The following SGCZ variants were observed in gnomAD, a reference collection of about 807,000 sequenced individuals.
SGCZ encodes zeta-sarcoglycan.
A neutral mutation model predicts 41.3 loss-of-function variants in SGCZ; 40 were observed. That is an observed-to-expected ratio of 0.97 (90% CI 0.75 to 1.26). The LOEUF (loss-of-function observed/expected upper bound fraction) is 1.26, where lower values mean the gene tolerates loss of function less well. SGCZ is among the 50% of genes most tolerant of loss of function. The pLI, the probability that SGCZ is intolerant of heterozygous loss-of-function variation, is 0.00. For missense variants in SGCZ, 552 were observed against 369.8 expected (o/e 1.49, Z -4.04); for synonymous variants, 206 against 137.5 (o/e 1.50, Z -3.49).
chr8:14,566,901 C>T (rs894811155), intron 1 of SGCZ, among the ~76,000 whole-genome samples: 19 of 152,124 alleles, frequency 1.2e-4, no homozygotes, highest in East Asian at 3.9e-4. Context: ...GCTGTGGGCT[C>T]GGCAGGCCCC....
chr8:14,154,709 G>T (rs981761957), intron 5 of SGCZ, among the ~76,000 whole-genome samples: 5 of 152,128 alleles, frequency 3.3e-5, no homozygotes, highest in African/African-American at 1.2e-4. Context: ...AATGGTAGAG[G>T]CTGTTTCAGA....
Position 14,414,395 on chromosome 8 carries a change from G to A in SGCZ, c.235-90191C>T, listed in dbSNP as rs147857945. ...AGTGTGCATAGGAACTCCCTGGAGA[G>A]TACAAGTAAAATTCCTAGGTCCCCA... On this transcript the variant is annotated intron_variant, in intron 2 of 7. Transcript: ENST00000382080. Among the ~76,000 whole-genome samples, 731 of 151,980 alleles carry A rather than the reference G, an allele frequency of 4.8e-3. 9 individuals carry two copies. The highest frequency in any genetic ancestry group is 0.016 in the African/African-American group (672 of 41,484).
At chr8:14,588,941 A>G (rs761885479) in intron 1 of SGCZ, among the ~76,000 whole-genome samples, 1 of 152,152 alleles carries the variant, frequency 6.6e-6, no homozygotes, top group South Asian at 2.1e-4. Flanking sequence ...TGTCAAATAT[A>G]ATTCAGATCG....
intron 7 of SGCZ, among the ~76,000 whole-genome samples, chr8:14,093,863 A>G (rs926574712): frequency 2.0e-5 from 3 of 152,096 alleles, no homozygotes; most frequent in East Asian, 1.9e-4. Context: ...ACTTTTCTCT[A>G]TAGTAAAAAT....
intron 2 of SGCZ, among the ~76,000 whole-genome samples, chr8:14,376,356 G>C (rs1294635298): frequency 6.6e-6 from 1 of 151,858 alleles, no homozygotes; most frequent in Non-Finnish European, 1.5e-5. Flanking sequence ...AAATACAATG[G>C]AAAAATAACT....
At chr8:14,597,469 TTTTG>T (rs563441483) in intron 1 of SGCZ, among the ~76,000 whole-genome samples, 8 of 152,308 alleles carry the variant, frequency 5.3e-5, no homozygotes, top group Admixed American at 3.3e-4. Context: ...TCATTCCTTT[TTTTG>T]TTTGTTTGTT....
chr8:14,963,140 G>A (rs1018657917), intron 1 of SGCZ, among the ~76,000 whole-genome samples: 8 of 152,118 alleles, frequency 5.3e-5, no homozygotes, highest in South Asian at 2.1e-4. Flanking sequence ...TGAGTATCAC[G>A]GTTAATACTC....
At chr8:14,621,395 C>T (rs1253915079) in intron 1 of SGCZ, among the ~76,000 whole-genome samples, 4 of 151,290 alleles carry the variant, frequency 2.6e-5, no homozygotes, top group Admixed American at 1.3e-4. Context: ...ATGTAACAAA[C>T]CTGCACGTTG....
intron 1 of SGCZ, among the ~76,000 whole-genome samples, chr8:15,021,264 T>G (rs1488155564): frequency 1.3e-5 from 2 of 152,208 alleles, no homozygotes; most frequent in African/African-American, 4.8e-5. Context: ...TGCTGCAAAT[T>G]AATTTGATTA....
At chr8:14,230,462 TG>T (rs1418179104) in intron 4 of SGCZ, among the ~76,000 whole-genome samples, 1 of 152,126 alleles carries the variant, frequency 6.6e-6, no homozygotes, top group African/African-American at 2.4e-5. Context: ...CACAGAAACC[TG>T]GAACGGATGC....
chr8:14,824,222 T>A (rs2130578168), intron 1 of SGCZ, among the ~76,000 whole-genome samples: 1 of 152,118 alleles, frequency 6.6e-6, no homozygotes, highest in Middle Eastern at 3.4e-3. Flanking sequence ...AAATTATGCA[T>A]TAGAAATTAC....
At chr8:14,235,843 C>T (rs1172106495) in intron 4 of SGCZ, among the ~76,000 whole-genome samples, 1 of 152,102 alleles carries the variant, frequency 6.6e-6, no homozygotes, top group East Asian at 1.9e-4. Flanking sequence ...CACCACCATG[C>T]CCAAATAATT....
At chr8:14,458,969 G>A (rs1172158884) in intron 2 of SGCZ, among the ~76,000 whole-genome samples, 1 of 152,156 alleles carries the variant, frequency 6.6e-6, no homozygotes, top group African/African-American at 2.4e-5. Flanking sequence ...AATGTCAAAA[G>A]GACATAGTGG....
At chr8:15,194,577 T>G (rs568497089) in intron 1 of SGCZ, among the ~76,000 whole-genome samples, 171 of 151,794 alleles carry the variant, frequency 1.1e-3, no homozygotes, top group Middle Eastern at 3.4e-3. Context: ...ATCACGAGGG[T>G]TCTAATAAAG....
At chr8:14,442,459 T>A (rs1452221032) in intron 2 of SGCZ, among the ~76,000 whole-genome samples, 1 of 152,170 alleles carries the variant, frequency 6.6e-6, no homozygotes, top group East Asian at 1.9e-4. Flanking sequence ...AATTACCCAG[T>A]ATCAGGTATG....
intron 1 of SGCZ, among the ~76,000 whole-genome samples, chr8:14,875,063 C>T (rs967835935): frequency 6.6e-6 from 1 of 151,996 alleles, no homozygotes; most frequent in Non-Finnish European, 1.5e-5. Flanking sequence ...AAATGGAGAC[C>T]AGGTTATTTA....
chr8:14,160,171 G>GA (rs1050929595), intron 5 of SGCZ, among the ~76,000 whole-genome samples: 29 of 151,980 alleles, frequency 1.9e-4, no homozygotes, highest in African/African-American at 5.3e-4. Context: ...TTACATCATA[G>GA]AAAAAAAACA....
At chr8:14,190,158 G>A (rs999130224) in intron 4 of SGCZ, among the ~76,000 whole-genome samples, 1 of 151,134 alleles carries the variant, frequency 6.6e-6, no homozygotes, top group African/African-American at 2.4e-5. Flanking sequence ...GACTACAGGC[G>A]CCCGCCACCA....
In SGCZ at chr8:14,982,157, CAAAAA is replaced by C. The variant is rs10710626; in HGVS notation, c.39+255423_39+255427del. On this transcript the variant is annotated intron_variant, in intron 1 of 7. Transcript: ENST00000382080. ...TGGACAACAGAGCGAGACTCTGTCT[CAAAAA>C]AAAAAAAAAAGGAAATGACATTATT... Among the ~76,000 whole-genome samples, 206 of 138,558 alleles carry C rather than the reference CAAAAA, an allele frequency of 1.5e-3. 1 individual carries two copies. The highest frequency in any genetic ancestry group is 2.4e-3 in the Non-Finnish European group (155 of 63,302). 90.9% of individuals were successfully genotyped at this position (138,558 alleles called of 152,430 possible). A position where few individuals can be genotyped will look rare whatever the true frequency, so the allele number is the denominator to read the frequency against.
Sources: gnomAD v4.1 joint callset for allele counts (sites outside exome capture counted in the v4.1 genomes callset) on GRCh38, gnomAD v4.1.1 for gene constraint, MANE v1.5 for transcripts, NCBI Gene and HGNC (gene_info 2026-07-23, HGNC 2026-07-21) for gene names.